ARHGEF17: variants seen among roughly 807,000 people sequenced by gnomAD.
ARHGEF17 encodes Rho guanine nucleotide exchange factor 17.
Under a neutral mutation model 174.0 loss-of-function variants are expected in ARHGEF17, and 80 were observed. That is an observed-to-expected ratio of 0.46 (90% confidence interval 0.38 to 0.55). ARHGEF17 has a LOEUF of 0.55. Ranked by LOEUF, ARHGEF17 falls within the 20% of genes least tolerant of loss-of-function variation. ARHGEF17 has a pLI of 0.00. For synonymous variants in ARHGEF17, 1,311 were observed against 1,189.1 expected (o/e 1.10, Z -2.11); for missense variants, 2,886 against 2,839.7 (o/e 1.02, Z -0.37).
chr11:73,348,941 C>T (rs190316117), intron 2 of ARHGEF17, among the ~76,000 whole-genome samples: 25 of 152,138 alleles, frequency 1.6e-4, no homozygotes, highest in African/African-American at 5.3e-4. Flanking sequence ...AGAAAGAGCC[C>T]GGAGGGATGG....
chr11:73,362,069 C>A lies in ARHGEF17; in HGVS notation c.4524C>A (p.Ser1508Arg). ...QFSCAAPTLNSCPEPSPEVWV... is the reference protein window; with the variant it reads ...QFSCAAPTLNRCPEPSPEVWV... The stretch of plus-strand genomic sequence containing the variant: ...CCTGTGCGGCTCCCACCCTGAACAG[C>A]TGCCCGGAGCCCTCGCCTGAGGTAT... Residue 1508 changes from serine to arginine, a missense_variant, in exon 13 of 21, where the codon AGC becomes AGA. Physicochemically the swap from Ser to Arg is moderately radical, Grantham distance 110. Transcript: ENST00000263674. 6.2e-7 allele frequency: 1 copy of A among 1,612,856 alleles called. No homozygotes were observed. The highest frequency in any genetic ancestry group is 8.5e-7 in the Non-Finnish European group (1 of 1,179,900).
chr11:73,358,722 C>T (rs1865688045), intron 9 of ARHGEF17, among the ~76,000 whole-genome samples: 1 of 151,896 alleles, frequency 6.6e-6, no homozygotes, highest in Non-Finnish European at 1.5e-5. Context: ...CCTCGGCCTC[C>T]CAAAATGCTG....
rs558275190 is a variant in ARHGEF17, at chr11:73,344,255, C to T, written c.3193-2628C>T. The stretch of plus-strand genomic sequence containing the variant: ...GCCTCCTGCCTCCCCTGTCCACCCC[C>T]GCAACCCCCGCACACTACACCCGTG... On this transcript the variant is annotated intron_variant, in intron 1 of 20. Coordinates refer to ENST00000263674, the MANE Select transcript of ARHGEF17 (RefSeq NM_014786.4). Among the ~76,000 whole-genome samples the T allele has an allele frequency of 5.3e-5, 8 of 152,200 alleles. No homozygotes were observed. In the East Asian group the frequency reaches 5.8e-4, roughly 11 times the overall value.
rs1417838811 is a variant in ARHGEF17 at position 73,353,145 on chromosome 11, G to A, written c.3453+133G>A. The A allele has an allele frequency of 9.9e-6, 12 of 1,216,072 alleles. No individual in the cohort carries two copies. In the African/African-American group the frequency reaches 1.6e-4, roughly 16 times the overall value. The allele number at this position is 1,216,072 out of a possible 1,614,324, so 75.3% of individuals were successfully genotyped here. On this transcript the variant is annotated intron_variant, in intron 3 of 20. Coordinates refer to ENST00000263674, the MANE Select transcript of ARHGEF17 (RefSeq NM_014786.4). ...GTTTCCAGATCTGACCATAGAACTTGGCTAGACATTGGTACTTACCCCAGC... is the reference window on the plus strand; with the variant it reads ...GTTTCCAGATCTGACCATAGAACTTAGCTAGACATTGGTACTTACCCCAGC...
Position 73,362,146 on chromosome 11 carries a change from G to A in ARHGEF17, c.4601G>A (p.Arg1534His). The change falls in exon 13 of 21, where the codon CGC (arginine) becomes CAC (histidine). Residue 1534 changes from arginine (R) to histidine (H), a missense_variant. Arg to His is a conservative substitution (Grantham distance 29). This residue lies in a region of ARHGEF17 where 476 missense variants were observed against 473.1 expected (regional missense o/e 1.01). Coordinates refer to ENST00000263674, the MANE Select transcript of ARHGEF17 (RefSeq NM_014786.4). ...YVGQVCLLSLRAEPDVEACIA... is the reference protein window; with the variant it reads ...YVGQVCLLSLHAEPDVEACIA... ...GGCCAGGTGTGCCTGCTGAGCCTGC[G>A]CGCCGAGCCGGACGTGGAGGCCTGC... 1 of 1,608,270 alleles carries A rather than the reference G, an allele frequency of 6.2e-7. No homozygotes were observed. The highest frequency in any genetic ancestry group is 8.5e-7 in the Non-Finnish European group (1 of 1,178,704).
intron 1 of ARHGEF17, among the ~76,000 whole-genome samples, chr11:73,331,159 C>G (rs958478913): frequency 6.6e-6 from 1 of 152,214 alleles, no homozygotes; most frequent in Non-Finnish European, 1.5e-5. Flanking sequence ...CTGCCACTAC[C>G]CTGGACTTGC....
chr11:73,364,671 C>T, intron 18 of ARHGEF17, 71 bp downstream of exon 18: 1 of 1,536,032 alleles, frequency 6.5e-7, no homozygotes, highest in South Asian at 1.2e-5. Context: ...GAGATGGAGA[C>T]CATGGTAGGG....
rs377437143 is a variant in ARHGEF17, at chr11:73,311,687, G to A, written c.3049G>A (p.Gly1017Ser). 3.8e-5 allele frequency: 62 copies of A among 1,613,296 alleles called. No individual in the cohort carries two copies. The highest frequency in any genetic ancestry group is 4.9e-5 in the Non-Finnish European group (58 of 1,180,038). The change falls in exon 1 of 21, where the codon GGT becomes AGT. Residue 1017 changes from glycine (G) to serine (S), a missense_variant. This residue lies in a region of ARHGEF17 where 1,728 missense variants were observed against 1,461.2 expected (regional missense o/e 1.18). Coordinates refer to ENST00000263674, the MANE Select transcript of ARHGEF17 (RefSeq NM_014786.4). ...GCAGTACATGCTGAACCTGCACTCC[G>A]GTGAGGTCCCTGCCCCAGTGCCAGT... is the stretch of plus-strand genomic sequence containing the variant. ...TKQYMLNLHS[G>S]EVPAPVPVDM...
chr11:73,308,587 G>A lies in ARHGEF17; in HGVS notation c.-52G>A. On this transcript the variant is annotated 5_prime_UTR_variant, in exon 1 of 21. Coordinates refer to ENST00000263674, the MANE Select transcript of ARHGEF17 (RefSeq NM_014786.4). The stretch of plus-strand genomic sequence containing the variant: ...CTCCTAGGGAGTGGGGGCGCAGGGG[G>A]GGTTGGCCGCGGCTGCCCGAGGCCA... 3.6e-6 allele frequency: 5 copies of A among 1,370,704 alleles called. No homozygotes were observed. Among genetic ancestry groups the A allele is most frequent in the Non-Finnish European group, 4.7e-6 (5 of 1,062,784 alleles). 84.9% of individuals were successfully genotyped at this position (1,370,704 alleles called of 1,614,324 possible).
At position 73,309,891 on chromosome 11, in the gene ARHGEF17, C is replaced by G; in HGVS notation, c.1253C>G (p.Ser418Cys). 6.2e-7 allele frequency: 1 copy of G among 1,613,034 alleles called. No homozygotes were observed. Among genetic ancestry groups the G allele is most frequent in the South Asian group, 1.1e-5 (1 of 91,076 alleles). Residue 418 changes from serine to cysteine, a missense_variant, in exon 1 of 21, where the codon TCC becomes TGC. Ser to Cys is a moderately radical substitution (Grantham distance 112, BLOSUM62 -1). Transcript: ENST00000263674. ...RGSGGWGVYR[S>C]PSFGAGEGLL... ...TCTGGGGGCTGGGGCGTGTACCGCT[C>G]CCCTAGCTTTGGAGCTGGGGAAGGG...
chr11:73,336,881 C>G (rs1295130164), intron 1 of ARHGEF17, among the ~76,000 whole-genome samples: 1 of 152,268 alleles, frequency 6.6e-6, no homozygotes, highest in Non-Finnish European at 1.5e-5. Flanking sequence ...GGCCTGTCAG[C>G]TGGCATACCT....
chr11:73,311,379 C>T lies in ARHGEF17; in HGVS notation c.2741C>T (p.Ser914Phe). 2 of 1,613,348 alleles carry T rather than the reference C, an allele frequency of 1.2e-6. No homozygotes were observed. Among genetic ancestry groups the T allele is most frequent in the East Asian group, 2.2e-5 (1 of 44,882 alleles). Reference sequence around the variant, plus strand: ...GACCCCAAGCTGGCTGACATTCTGTCCCCGAGGCTAATCCGCCGAGGCTCC... The same window carrying T: ...GACCCCAAGCTGGCTGACATTCTGTTCCCGAGGCTAATCCGCCGAGGCTCC... ...HLDPKLADIL[S>F]PRLIRRGSKK... is the part of the protein sequence containing the mutation. Residue 914 changes from serine (S) to phenylalanine (F), a missense_variant, in exon 1 of 21, where the codon TCC becomes TTC. Ser to Phe is a radical substitution (Grantham distance 155). Transcript: ENST00000263674.
chr11:73,309,298 C>G lies in ARHGEF17; in HGVS notation c.660C>G (p.Phe220Leu), dbSNP rs764949347. 3.7e-6 allele frequency: 6 copies of G among 1,612,062 alleles called. No homozygotes were observed. The Middle Eastern group carries it at 5.0e-4, about 134-fold the overall frequency. The stretch of plus-strand genomic sequence containing the variant: ...ATGGTTTACATTCTTGGCATATCTT[C>G]TCCCAACCGCAGGCCGGGGCCCGGG... ...PADGLHSWHI[F>L]SQPQAGARAS... Residue 220 changes from phenylalanine to leucine, a missense_variant, in exon 1 of 21, where the codon TTC becomes TTG. By Grantham distance (22) the Phe-to-Leu change is conservative. Transcript: ENST00000263674.
At chr11:73,323,560 C>T (rs546871135) in intron 1 of ARHGEF17, among the ~76,000 whole-genome samples, 2 of 152,336 alleles carry the variant, frequency 1.3e-5, no homozygotes, top group East Asian at 3.9e-4. Context: ...GTGCCTCACA[C>T]TGGGGGCCTG....
At chr11:73,317,411 A>G (rs1565188632) in intron 1 of ARHGEF17, among the ~76,000 whole-genome samples, 1 of 152,200 alleles carries the variant, frequency 6.6e-6, no homozygotes, top group Non-Finnish European at 1.5e-5. Context: ...GGGTCTGCCC[A>G]AGGCCCCAAA....
Position 73,359,869 on chromosome 11 carries a change from A to G in ARHGEF17, c.4123A>G (p.Lys1375Glu). Reference sequence around the variant, plus strand: ...AGCCACCAATCGGGAGAACATCCAGAAGGCCATCAGCCGCCTTGATGAGGA... The same window carrying G: ...AGCCACCAATCGGGAGAACATCCAGGAGGCCATCAGCCGCCTTGATGAGGA... The part of the protein sequence containing the change: ...SQATNRENIQ[K>E]AISRLDEDLT... The change falls in exon 10 of 21, where the codon AAG becomes GAG. Residue 1375 changes from lysine (K) to glutamate (E), a missense_variant. By Grantham distance (56) the Lys-to-Glu change is moderately conservative. Transcript: ENST00000263674. 1.2e-6 allele frequency: 2 copies of G among 1,613,178 alleles called. No homozygotes were observed. The highest frequency in any genetic ancestry group is 1.7e-6 in the Non-Finnish European group (2 of 1,179,582).
In ARHGEF17 at chr11:73,364,797, A is replaced by G. The variant is rs1865808961; in HGVS notation, c.5550+197A>G. 3 of 652,266 alleles carry G rather than the reference A, an allele frequency of 4.6e-6. No individual in the cohort carries two copies. The Admixed American group carries it at 1.0e-4, about 23-fold the overall frequency. The allele number at this position is 652,266 out of a possible 1,614,324, so 40.4% of individuals were successfully genotyped here. On this transcript the variant is annotated intron_variant, in intron 18 of 20. Transcript: ENST00000263674. ...TCTGTAGCTGATGAGGAATACAGTAAGTGTCCCATATACATTAGGAATCTT... is the reference window on the plus strand; with the variant it reads ...TCTGTAGCTGATGAGGAATACAGTAGGTGTCCCATATACATTAGGAATCTT...
chr11:73,359,855 G>A lies in ARHGEF17; in HGVS notation c.4109G>A (p.Arg1370Gln), dbSNP rs141261282. Residue 1370 changes from arginine (R) to glutamine (Q), a missense_variant, in exon 10 of 21, where the codon CGG becomes CAG. This residue lies in a region of ARHGEF17 where 353 missense variants were observed against 470.3 expected (regional missense o/e 0.75). Transcript: ENST00000263674. The stretch of plus-strand genomic sequence containing the variant: ...CTAGGGGCATCCCAAGCCACCAATC[G>A]GGAGAACATCCAGAAGGCCATCAGC... Reference protein sequence around the residue: ...IIKGASQATNRENIQKAISRL... With the variant: ...IIKGASQATNQENIQKAISRL... The A allele has an allele frequency of 8.1e-6, 13 of 1,611,822 alleles. No individual in the cohort carries two copies. The highest frequency in any genetic ancestry group is 2.7e-5 in the African/African-American group (2 of 74,830).
At chr11:73,348,877 C>T (rs868243438) in intron 2 of ARHGEF17, among the ~76,000 whole-genome samples, 22 of 152,082 alleles carry the variant, frequency 1.4e-4, no homozygotes, top group African/African-American at 5.1e-4. Flanking sequence ...TCAGGGAGGG[C>T]TTCCCTGGGG....
Sources: gnomAD v4.1 joint callset for allele counts (sites outside exome capture counted in the v4.1 genomes callset) on GRCh38, gnomAD v4.1.1 for gene constraint, gnomAD v4.1.1 regional missense constraint, MANE v1.5 for transcripts, NCBI Gene and HGNC (gene_info 2026-07-23, HGNC 2026-07-21) for gene names.